The following CTNND1 variants were observed in gnomAD, a reference collection of about 807,000 sequenced individuals.
The protein encoded by CTNND1 is catenin delta-1.
A neutral mutation model predicts 112.1 loss-of-function variants in CTNND1; 16 were observed. The ratio of observed to expected loss-of-function variants is 0.14; its 90% CI spans 0.10 to 0.22. CTNND1 has a LOEUF of 0.22. Among genes scored for constraint, CTNND1 ranks in the 10% least tolerant of loss-of-function variants. The pLI is 1.00. For missense variants in CTNND1, 1,008 were observed against 1,257.0 expected, an observed-to-expected ratio of 0.80 and a Z score of 3.00; for synonymous variants, 420 against 446.5, an observed-to-expected ratio of 0.94 and a Z score of 0.75.
At chr11:57,768,324 A>G (rs140406653) in intron 1 of CTNND1, among the ~76,000 whole-genome samples, 1 of 151,104 alleles carries the variant, frequency 6.6e-6, no homozygotes, top group South Asian at 2.1e-4. Flanking sequence ...TAACTTTAGT[A>G]AAGTGAAGTG....
Position 57,805,951 on chromosome 11 carries a change from G to A in CTNND1, c.1792G>A (p.Glu598Lys). 6.2e-7 allele frequency: 1 copy of A among 1,613,500 alleles called. No homozygotes were observed. Among genetic ancestry groups the A allele is most frequent in the Non-Finnish European group, 8.5e-7 (1 of 1,179,658 alleles). ...YQVHREIPQA[E>K]RYQEAAPNVA... is the part of the protein sequence containing the mutation. ...AGTTCACCGGGAGATCCCACAGGCAGAGCGTTACCAAGAGGCAGCTCCCAA... is the reference window on the plus strand; with the variant it reads ...AGTTCACCGGGAGATCCCACAGGCAAAGCGTTACCAAGAGGCAGCTCCCAA... The change falls in exon 10 of 21, where the codon GAG (glutamate) becomes AAG (lysine). Residue 598 changes from glutamate to lysine, a missense_variant. By Grantham distance (56) the Glu-to-Lys change is moderately conservative. This residue lies in a region of CTNND1 where 254 missense variants were observed against 279.5 expected (regional missense o/e 0.91). Coordinates refer to ENST00000399050, the MANE Select transcript of CTNND1 (RefSeq NM_001085458.2).
intron 1 of CTNND1, among the ~76,000 whole-genome samples, chr11:57,769,317 G>T (rs976925198): frequency 3.3e-5 from 5 of 150,374 alleles, no homozygotes; most frequent in Non-Finnish European, 7.4e-5. Context: ...GCGAGACTCC[G>T]TCTCAAAAAA....
rs2062432974 is a variant in CTNND1, at chr11:57,804,713, A to G, written c.1655A>G (p.Asp552Gly). The stretch of plus-strand genomic sequence containing the variant: ...GCTCGCCGGAAACTTCGGGAATGTG[A>G]TGGTTTAGTTGATGCCCTCATTTTC... Reference protein sequence around the residue: ...SEARRKLRECDGLVDALIFIV... With the variant: ...SEARRKLRECGGLVDALIFIV... The change falls in exon 9 of 21, where the codon GAT becomes GGT. Residue 552 changes from aspartate to glycine, a missense_variant. Asp to Gly is a moderately conservative substitution (Grantham distance 94). Transcript: ENST00000399050. The G allele has an allele frequency of 6.2e-7, 1 of 1,613,868 alleles. No homozygotes were observed. The highest frequency in any genetic ancestry group is 8.5e-7 in the Non-Finnish European group (1 of 1,179,832).
At chr11:57,779,281 G>A (rs1232532006) in intron 1 of CTNND1, among the ~76,000 whole-genome samples, 1 of 152,222 alleles carries the variant, frequency 6.6e-6, no homozygotes, top group African/African-American at 2.4e-5. Flanking sequence ...ATTCTCTAAT[G>A]TTTGATCATA....
At chr11:57,774,748 C>G (rs1953714052) in intron 1 of CTNND1, among the ~76,000 whole-genome samples, 1 of 151,876 alleles carries the variant, frequency 6.6e-6, no homozygotes. Context: ...GAGTCTTACT[C>G]TGTTGCCTAG....
intron 2 of CTNND1, among the ~76,000 whole-genome samples, chr11:57,790,653 G>T (rs1021948031): frequency 6.7e-6 from 1 of 148,422 alleles, no homozygotes; most frequent in East Asian, 2.0e-4. Context: ...CACCTCCGGC[G>T]TTCACGCCAT....
intron 8 of CTNND1, 156 bp downstream of exon 8, chr11:57,803,960 C>A: frequency 1.8e-6 from 1 of 560,828 alleles, no homozygotes; most frequent in Non-Finnish European, 3.0e-6. Context: ...ATCTTTGTTG[C>A]TATTCTCTCA....
At chr11:57,775,792 A>G (rs973701982) in intron 1 of CTNND1, among the ~76,000 whole-genome samples, 3 of 152,180 alleles carry the variant, frequency 2.0e-5, no homozygotes, top group African/African-American at 7.2e-5. Context: ...ATGTTCGTGT[A>G]TAGCCGCTTA....
intron 2 of CTNND1, among the ~76,000 whole-genome samples, chr11:57,789,749 G>C (rs1485761052): frequency 2.0e-5 from 3 of 152,204 alleles, no homozygotes; most frequent in Non-Finnish European, 2.9e-5. Context: ...AAGCTGTCCT[G>C]GGCTGCATGC....
chr11:57,768,424 T>C (rs1322256593), intron 1 of CTNND1, among the ~76,000 whole-genome samples: 2 of 131,146 alleles, frequency 1.5e-5, no homozygotes, highest in Admixed American at 1.8e-4. Flanking sequence ...GACAGAGTCT[T>C]GCTCTGTCGC....
At chr11:57,775,569 C>A (rs1411566639) in intron 1 of CTNND1, among the ~76,000 whole-genome samples, 2 of 152,134 alleles carry the variant, frequency 1.3e-5, no homozygotes, top group Non-Finnish European at 2.9e-5. Context: ...TAGACTGTAT[C>A]TGTGGTTTTA....
chr11:57,817,314 G>A lies in CTNND1; in HGVS notation c.*1006G>A, dbSNP rs1344029598. 2 of 152,742 alleles carry A rather than the reference G, an allele frequency of 1.3e-5. No individual in the cohort carries two copies. Among genetic ancestry groups the A allele is most frequent in the Admixed American group, 1.3e-4 (2 of 15,288 alleles). The allele number at this position is 152,742 out of a possible 1,614,324, so 9.5% of individuals were successfully genotyped here. On this transcript the variant is annotated 3_prime_UTR_variant, in exon 21 of 21. Coordinates refer to ENST00000399050, the MANE Select transcript of CTNND1 (RefSeq NM_001085458.2). ...GATTGGTTGGCAAACTAAAGGACTT[G>A]ATGTACATAACTCCTGTCCCTTTTC...
chr11:57,806,603 C>A, intron 11 of CTNND1, 125 bp downstream of exon 11: 1 of 866,848 alleles, frequency 1.2e-6, no homozygotes, highest in Non-Finnish European at 1.8e-6. Flanking sequence ...TTGAGGAAGA[C>A]ACTGAAACAA....
intron 1 of CTNND1, among the ~76,000 whole-genome samples, chr11:57,784,510 G>A (rs1401734923): frequency 6.6e-6 from 1 of 151,704 alleles, no homozygotes; most frequent in Non-Finnish European, 1.5e-5. Flanking sequence ...TCGTTTTGTT[G>A]TTGTTGTTTT....
chr11:57,810,065 T>C (rs527751977), intron 15 of CTNND1, 44 bp from the exon 16 acceptor site: 1 of 1,495,020 alleles, frequency 6.7e-7, no homozygotes, highest in African/African-American at 1.4e-5. Flanking sequence ...GCTTTTTTCC[T>C]GATTTTATAT....
intron 9 of CTNND1, 131 bp downstream of exon 9, chr11:57,804,911 A>C: frequency 1.5e-6 from 1 of 653,856 alleles, no homozygotes; most frequent in East Asian, 2.9e-5. Flanking sequence ...CCTACCCCTT[A>C]TTTTTGAGAC....
intron 16 of CTNND1, 45 bp from the exon 17 acceptor site, chr11:57,811,354 G>A (rs1451196513): frequency 1.4e-5 from 21 of 1,480,140 alleles, no homozygotes; most frequent in Non-Finnish European, 2.0e-5. Context: ...AAGATAGGGT[G>A]AATTCAGTAT....
At chr11:57,790,550 GTGTTTTTTTTT>G (rs2060605876) in intron 2 of CTNND1, among the ~76,000 whole-genome samples, 1 of 85,922 alleles carries the variant, frequency 1.2e-5, no homozygotes, top group Non-Finnish European at 2.4e-5. Context: ...GTCTGTGTGT[GTGTTTTTTTTT>G]TTTTTTTTTT....
chr11:57,777,788 T>A (rs562593188), intron 1 of CTNND1, among the ~76,000 whole-genome samples: 2 of 152,344 alleles, frequency 1.3e-5, no homozygotes, highest in African/African-American at 4.8e-5. Flanking sequence ...AGCATCTTGC[T>A]CATTTTATGC....
Sources: gnomAD v4.1 joint callset for allele counts (sites outside exome capture counted in the v4.1 genomes callset) on GRCh38, gnomAD v4.1.1 for gene constraint, gnomAD v4.1.1 regional missense constraint, MANE v1.5 for transcripts, NCBI Gene and HGNC (gene_info 2026-07-23, HGNC 2026-07-21) for gene names.